The following MAGI2 variants were observed in gnomAD, a reference collection of about 807,000 sequenced individuals.
The protein encoded by MAGI2 is membrane-associated guanylate kinase, WW and PDZ domain-containing protein 2.
A neutral mutation model predicts 133.3 loss-of-function variants in MAGI2; 35 were observed. The ratio of observed to expected loss-of-function variants is 0.26; its 90% confidence interval spans 0.20 to 0.35. The LOEUF (loss-of-function observed/expected upper bound fraction) is 0.35. MAGI2 is among the 10% of genes least tolerant of loss of function. The pLI, the probability that MAGI2 is intolerant of heterozygous loss-of-function variation, is 1.00. For missense variants in MAGI2, 1,636 were observed against 1,863.4 expected (o/e 0.88, Z 2.25); for synonymous variants, 729 against 710.6 (o/e 1.03, Z -0.41).
chr7:78,152,906 C>A (rs1028716926), intron 16 of MAGI2, among the ~76,000 whole-genome samples: 3 of 152,002 alleles, frequency 2.0e-5, no homozygotes, highest in Non-Finnish European at 4.4e-5. Context: ...AGCAGGGATT[C>A]ATTTAAGGAA....
At chr7:79,085,078 C>G (rs2129542142) in intron 1 of MAGI2, among the ~76,000 whole-genome samples, 1 of 151,554 alleles carries the variant, frequency 6.6e-6, no homozygotes, top group South Asian at 2.1e-4. Flanking sequence ...TTCTTTTCTC[C>G]TTTCTCTCTT....
chr7:78,377,140 C>G (rs916498248), intron 6 of MAGI2, among the ~76,000 whole-genome samples: 2 of 152,110 alleles, frequency 1.3e-5, no homozygotes, highest in Admixed American at 1.3e-4. Flanking sequence ...AACCTCTCTA[C>G]TTACCCCTTA....
At chr7:78,534,853 G>A (rs1327142477) in intron 3 of MAGI2, among the ~76,000 whole-genome samples, 1 of 152,146 alleles carries the variant, frequency 6.6e-6, no homozygotes, top group African/African-American at 2.4e-5. Flanking sequence ...AAATGAGTAA[G>A]GCCAGGTGCA....
At chr7:78,108,990 C>A (rs1340387138) in intron 20 of MAGI2, among the ~76,000 whole-genome samples, 1 of 151,990 alleles carries the variant, frequency 6.6e-6, no homozygotes, top group East Asian at 1.9e-4. Context: ...TGGCATGGGA[C>A]TAGGCTGTAG....
chr7:79,421,273 T>A (rs1846939543), intron 1 of MAGI2, among the ~76,000 whole-genome samples: 1 of 149,414 alleles, frequency 6.7e-6, no homozygotes, highest in Non-Finnish European at 1.5e-5. Flanking sequence ...AAGTACCCAA[T>A]AAATATTTAT....
chr7:78,139,731 A>G (rs1822548557), intron 16 of MAGI2, among the ~76,000 whole-genome samples: 2 of 152,230 alleles, frequency 1.3e-5, no homozygotes, highest in African/African-American at 2.4e-5. Context: ...ATTTGGCTTT[A>G]GACGTACTGA....
At chr7:78,196,335 A>G (rs1965531) in intron 11 of MAGI2, among the ~76,000 whole-genome samples, 108,335 of 151,772 alleles carry the variant, frequency 0.71, 39,010 homozygotes, top group East Asian at 0.95. Context: ...CAAACAGATC[A>G]GACGCAAACA....
At chr7:78,366,473 A>G (rs992530471) in intron 7 of MAGI2, among the ~76,000 whole-genome samples, 6 of 152,208 alleles carry the variant, frequency 3.9e-5, no homozygotes, top group African/African-American at 1.4e-4. Flanking sequence ...ATGTTTACAT[A>G]TGTATTCTTA....
At chr7:79,435,952 C>T (rs4730832) in intron 1 of MAGI2, among the ~76,000 whole-genome samples, 60,051 of 151,670 alleles carry the variant, frequency 0.4, 12,269 homozygotes, top group Middle Eastern at 0.49. Flanking sequence ...GTAAAGAGTC[C>T]GGAAATAAAG....
chr7:78,949,130 A>G (rs992361886), intron 2 of MAGI2, among the ~76,000 whole-genome samples: 21 of 152,182 alleles, frequency 1.4e-4, no homozygotes, highest in African/African-American at 4.3e-4. Context: ...CATTCTGTGT[A>G]TATACAATTG....
intron 1 of MAGI2, among the ~76,000 whole-genome samples, chr7:79,397,261 A>G (rs962765970): frequency 1.3e-4 from 20 of 150,892 alleles, no homozygotes; most frequent in Non-Finnish European, 2.4e-4. Flanking sequence ...AATTGGCATC[A>G]GACTTATCAA....
At chr7:79,056,514 G>A (rs532571008) in intron 1 of MAGI2, among the ~76,000 whole-genome samples, 1 of 152,226 alleles carries the variant, frequency 6.6e-6, no homozygotes, top group Non-Finnish European at 1.5e-5. Flanking sequence ...GGTCATTTCT[G>A]CCTGTTAGAA....
At chr7:78,087,084 T>C (rs1816726058) in intron 20 of MAGI2, among the ~76,000 whole-genome samples, 1 of 152,200 alleles carries the variant, frequency 6.6e-6, no homozygotes, top group African/African-American at 2.4e-5. Flanking sequence ...AGGGATGATA[T>C]CATCCAGACA....
chr7:78,669,654 T>C (rs549269386), intron 2 of MAGI2, among the ~76,000 whole-genome samples: 4 of 152,298 alleles, frequency 2.6e-5, no homozygotes, highest in African/African-American at 7.2e-5. Context: ...TTGATGAATA[T>C]TGATGCAAAA....
chr7:79,075,226 T>C (rs531973210), intron 1 of MAGI2, among the ~76,000 whole-genome samples: 48 of 152,276 alleles, frequency 3.2e-4, no homozygotes, highest in African/African-American at 1.2e-3. Context: ...GATCACATGT[T>C]CACTCCTGGA....
At chr7:78,346,550 G>A (rs532290384) in intron 7 of MAGI2, among the ~76,000 whole-genome samples, 1 of 152,282 alleles carries the variant, frequency 6.6e-6, no homozygotes, top group African/African-American at 2.4e-5. Context: ...GAAAGAGTTT[G>A]CAGAAGTTAC....
At position 78,019,679 on chromosome 7, in the gene MAGI2, T is replaced by C. The variant is rs999642493; in HGVS notation, c.4004A>G (p.Gln1335Arg). ...RPRLEEAPGG[Q>R]GRPEAGRPAS... is the part of the protein sequence containing the mutation. The stretch of plus-strand genomic sequence containing the variant: ...GGGCCTGCCGGCCTCGGGCCGCCCC[T>C]GGCCGCCGGGCGCCTCCTCGAGCCT... Residue 1335 changes from glutamine to arginine, a missense_variant, in exon 22 of 22, where the codon CAG (glutamine) becomes CGG (arginine). This residue lies in a region of MAGI2 where 354 missense variants were observed against 298.7 expected (regional missense o/e 1.19). Coordinates refer to ENST00000354212, the MANE Select transcript of MAGI2 (RefSeq NM_012301.4). The C allele has an allele frequency of 1.4e-6, 2 of 1,451,598 alleles. No individual in the cohort carries two copies. Among genetic ancestry groups the C allele is most frequent in the South Asian group, 1.3e-5 (1 of 74,562 alleles). 89.9% of individuals were successfully genotyped at this position (1,451,598 alleles called of 1,614,324 possible). A position where few individuals can be genotyped will look rare whatever the true frequency, so the allele number is the denominator to read the frequency against.
chr7:79,173,993 C>T (rs143742348), intron 1 of MAGI2, among the ~76,000 whole-genome samples: 45 of 150,802 alleles, frequency 3.0e-4, no homozygotes, highest in Admixed American at 1.9e-3. Flanking sequence ...TTATTTGAAA[C>T]GGAATGGGAT....
chr7:78,294,340 G>A lies in MAGI2; in HGVS notation c.1409-37759C>T, dbSNP rs542850493. 2.2e-4 allele frequency among the ~76,000 whole-genome samples: 34 copies of A among 152,134 alleles called. No homozygotes were observed. The East Asian group carries it at 6.0e-3, about 27-fold the overall frequency. ...AGGGAGTATTAAAATAGTTGTAAAA[G>A]GGAAAACAAGAACTTTATTGGGTGT... On this transcript the variant is annotated intron_variant, in intron 9 of 21. Coordinates refer to ENST00000354212, the MANE Select transcript of MAGI2 (RefSeq NM_012301.4).
Sources: gnomAD v4.1 joint callset for allele counts (sites outside exome capture counted in the v4.1 genomes callset) on GRCh38, gnomAD v4.1.1 for gene constraint, gnomAD v4.1.1 regional missense constraint, MANE v1.5 for transcripts, NCBI Gene and HGNC (gene_info 2026-07-23, HGNC 2026-07-21) for gene names.